The following ATP11A variants were observed in gnomAD, a reference collection of about 807,000 sequenced individuals.
ATP11A encodes the protein ATPase phospholipid transporting 11A.
ATP11A carries 81 observed loss-of-function variants against 154.4 expected under a neutral mutation model. That is an observed-to-expected ratio of 0.52 (90% confidence interval 0.44 to 0.63). The LOEUF is 0.63. ATP11A is among the 30% of genes least tolerant of loss of function. The probability of loss-of-function intolerance (pLI) is 0.00; values close to 1 mark genes in which losing one functional copy is unlikely to be tolerated. For missense variants in ATP11A, 1,316 were observed against 1,474.3 expected (o/e 0.89, Z 1.76); for synonymous variants, 623 against 585.9 (o/e 1.06, Z -0.91).
At chr13:112,700,407 C>T (rs1372266961) in intron 1 of ATP11A, among the ~76,000 whole-genome samples, 1 of 152,184 alleles carries the variant, frequency 6.6e-6, no homozygotes, top group African/African-American at 2.4e-5. Context: ...GTCTGGGAGG[C>T]TGGGTCCTTC....
chr13:112,876,290 T>C (rs898012392), intron 28 of ATP11A, among the ~76,000 whole-genome samples: 1 of 152,170 alleles, frequency 6.6e-6, no homozygotes, highest in East Asian at 1.9e-4. Flanking sequence ...ATGGTAAATC[T>C]GGCTGGAAAC....
chr13:112,706,090 T>A (rs1247851057), intron 1 of ATP11A, among the ~76,000 whole-genome samples: 3 of 152,232 alleles, frequency 2.0e-5, no homozygotes, highest in Admixed American at 2.0e-4. Context: ...AACACTCTTT[T>A]TTTTCATCAG....
chr13:112,755,734 C>T (rs1025888016), intron 1 of ATP11A, among the ~76,000 whole-genome samples: 4 of 151,852 alleles, frequency 2.6e-5, no homozygotes, highest in Non-Finnish European at 5.9e-5. Flanking sequence ...GAACCATTTC[C>T]GGTCACGGAA....
chr13:112,871,073 G>A lies in ATP11A; in HGVS notation c.2992-662G>A, dbSNP rs376842157. Among the ~76,000 whole-genome samples the A allele has an allele frequency of 1.1e-3, 164 of 152,310 alleles. 3 individuals carry two copies. The highest frequency in any genetic ancestry group is 3.7e-3 in the African/African-American group (155 of 41,580). Reference sequence around the variant, plus strand: ...TCTGTCCAGCCCTGTCCTGTCTGCCGGCTTGTCTTCTCTGTCCTGAGGGAG... The same window carrying A: ...TCTGTCCAGCCCTGTCCTGTCTGCCAGCTTGTCTTCTCTGTCCTGAGGGAG... On this transcript the variant is annotated intron_variant, in intron 25 of 29. Coordinates refer to ENST00000375645, the MANE Select transcript of ATP11A (RefSeq NM_015205.3).
intron 1 of ATP11A, chr13:112,747,459 G>C (rs549151801): frequency 6.6e-6 from 1 of 152,236 alleles, no homozygotes; most frequent in African/African-American, 2.4e-5. Flanking sequence ...GCAAAATAGT[G>C]TTTTTGGCAG....
intron 17 of ATP11A, among the ~76,000 whole-genome samples, chr13:112,844,404 C>T (rs917519602): frequency 6.6e-6 from 1 of 152,218 alleles, no homozygotes; most frequent in African/African-American, 2.4e-5. Context: ...GGCATTGACA[C>T]ACGAACACAC....
chr13:112,752,426 A>T (rs901989342), intron 1 of ATP11A, among the ~76,000 whole-genome samples: 1 of 152,164 alleles, frequency 6.6e-6, no homozygotes, highest in Non-Finnish European at 1.5e-5. Context: ...GCAGCTCAGG[A>T]GAATCCTCCC....
At chr13:112,862,636 TATG>T in intron 25 of ATP11A, 61 bp downstream of exon 25, 2 of 1,606,382 alleles carry the variant, frequency 1.2e-6, no homozygotes, top group South Asian at 2.2e-5. Flanking sequence ...CCCAAGCCCA[TATG>T]ATGATTTTGC....
intron 2 of ATP11A, among the ~76,000 whole-genome samples, chr13:112,802,830 T>G (rs1337519187): frequency 3.3e-5 from 5 of 152,204 alleles, no homozygotes; most frequent in Admixed American, 6.5e-5. Context: ...AATTAAAATA[T>G]GAGCCACTGA....
chr13:112,834,517 T>G (rs2079179507), intron 14 of ATP11A, 72 bp from the exon 15 acceptor site: 2 of 995,482 alleles, frequency 2.0e-6, no homozygotes, highest in Admixed American at 2.0e-5. Context: ...TACCAAAATA[T>G]AAAGCAAATA....
intron 3 of ATP11A, 100 bp downstream of exon 3, chr13:112,805,146 C>T: frequency 1.3e-6 from 1 of 793,730 alleles, no homozygotes; most frequent in Non-Finnish European, 2.0e-6. Flanking sequence ...AGAGCAAGGA[C>T]ATGGTGCCCC....
At chr13:112,827,611 G>A (rs535477635) in intron 12 of ATP11A, among the ~76,000 whole-genome samples, 2 of 152,358 alleles carry the variant, frequency 1.3e-5, no homozygotes, top group South Asian at 4.1e-4. Flanking sequence ...CAGCCTTAAC[G>A]TTGCAGAGTG....
intron 25 of ATP11A, among the ~76,000 whole-genome samples, chr13:112,869,689 G>T (rs190325201): frequency 7.4e-4 from 112 of 152,304 alleles, no homozygotes; most frequent in African/African-American, 2.5e-3. Context: ...GTGCAAAGCC[G>T]CCCTCAGCTG....
At chr13:112,826,344 T>C (rs1403628375) in intron 11 of ATP11A, among the ~76,000 whole-genome samples, 1 of 152,256 alleles carries the variant, frequency 6.6e-6, no homozygotes, top group African/African-American at 2.4e-5. Flanking sequence ...TGTTTTGTTA[T>C]AAGAGACACA....
At position 112,831,362 on chromosome 13, in the gene ATP11A, G is replaced by C. The variant is rs745767490; in HGVS notation, c.1222-13G>C. 6.2e-7 allele frequency: 1 copy of C among 1,612,270 alleles called. No individual in the cohort carries two copies. The highest frequency in any genetic ancestry group is 2.2e-5 in the East Asian group (1 of 44,810). On this transcript the variant is annotated splice_polypyrimidine_tract_variant and intron_variant, in intron 12 of 29. Transcript: ENST00000375645. ...CCCTCAGAGCGCCCTGACTTGCTGT[G>C]CCCTGCCCGCAGGTGGAGTACATCT...
intron 1 of ATP11A, among the ~76,000 whole-genome samples, chr13:112,756,891 C>T (rs565982480): frequency 5.1e-5 from 7 of 137,930 alleles, no homozygotes; most frequent in Non-Finnish European, 4.9e-5. Context: ...CAGCACGGGG[C>T]CTGCTCCCAG....
At chr13:112,871,102 C>A (rs1402492643) in intron 25 of ATP11A, among the ~76,000 whole-genome samples, 3 of 152,180 alleles carry the variant, frequency 2.0e-5, no homozygotes, top group Non-Finnish European at 4.4e-5. Context: ...GAGGGAGGTT[C>A]CCCGAGGGAA....
chr13:112,884,501 A>T lies in ATP11A; in HGVS notation c.*2635A>T, dbSNP rs1040872082. The T allele has an allele frequency of 3.9e-5, 6 of 152,264 alleles. No homozygotes were observed. Among genetic ancestry groups the T allele is most frequent in the Non-Finnish European group, 8.8e-5 (6 of 68,048 alleles). 9.4% of individuals were successfully genotyped at this position (152,264 alleles called of 1,614,324 possible). A position where few individuals can be genotyped will look rare whatever the true frequency, so the allele number is the denominator to read the frequency against. ...TGTGCCTGATGATTTGAAATAGACA[A>T]GGGGCACGAGATAAAAAAGAAAAGG... is the stretch of plus-strand genomic sequence containing the variant. On this transcript the variant is annotated 3_prime_UTR_variant, in exon 30 of 30. Transcript: ENST00000375645.
At chr13:112,702,167 G>T (rs1433565640) in intron 1 of ATP11A, among the ~76,000 whole-genome samples, 1 of 151,752 alleles carries the variant, frequency 6.6e-6, no homozygotes, top group African/African-American at 2.4e-5. Flanking sequence ...CCAATGTGGA[G>T]AAATCCTGTC....
Sources: allele counts gnomAD v4.1 joint callset (sites outside exome capture counted in the v4.1 genomes callset), GRCh38; gene constraint gnomAD v4.1.1; transcripts MANE v1.5; gene names NCBI Gene and HGNC (gene_info 2026-07-23, HGNC 2026-07-21).